RBM34: variants seen among roughly 807,000 people sequenced by gnomAD.
RBM34 encodes RNA-binding protein 34.
A neutral mutation model predicts 44.6 loss-of-function variants in RBM34; 39 were observed. The observed-to-expected ratio is 0.87, with a 90% CI of 0.68 to 1.14. The LOEUF (loss-of-function observed/expected upper bound fraction) is 1.14, where lower values mean the gene tolerates loss of function less well. Ranked by LOEUF, RBM34 falls within the 50% of genes most tolerant of loss-of-function variation. The pLI is 0.00. For missense variants in RBM34, 572 were observed against 517.9 expected (o/e 1.10, Z -1.01); for synonymous variants, 194 against 184.0 (o/e 1.05, Z -0.44).
intron 3 of RBM34, among the ~76,000 whole-genome samples, chr1:235,155,793 C>T (rs1379544931): frequency 3.1e-5 from 4 of 129,360 alleles, no homozygotes; most frequent in African/African-American, 1.2e-4. Context: ...GTGTGAGCCA[C>T]CATGTCCAGT....
intron 6 of RBM34, among the ~76,000 whole-genome samples, chr1:235,141,491 T>A (rs2102835918): frequency 6.6e-6 from 1 of 152,232 alleles, no homozygotes; most frequent in South Asian, 2.1e-4. Context: ...AACAGACCAC[T>A]CGGCTCTACC....
chr1:235,131,973 G>C lies in RBM34; in HGVS notation c.1033C>G (p.Leu345Val). 6.2e-7 allele frequency: 1 copy of C among 1,601,708 alleles called. No individual in the cohort carries two copies. The highest frequency in any genetic ancestry group is 8.5e-7 in the Non-Finnish European group (1 of 1,173,990). ...ATGAGTTCAGAATTATTTAATTTCAGAGCAAGATGAACAGAATCTGTATTC... is the reference window on the plus strand; with the variant it reads ...ATGAGTTCAGAATTATTTAATTTCACAGCAAGATGAACAGAATCTGTATTC... ...FENTDSVHLA[L>V]KLNNSELMGR... is the part of the protein sequence containing the mutation. The change falls in exon 11 of 11, where the codon CTG becomes GTG. Residue 345 changes from leucine (L) to valine (V), a missense_variant. By Grantham distance (32) the Leu-to-Val change is conservative. Transcript: ENST00000408888.
intron 8 of RBM34, among the ~76,000 whole-genome samples, 184 bp downstream of exon 8, chr1:235,137,693 G>A (rs927765819): frequency 1.2e-4 from 19 of 152,206 alleles, no homozygotes; most frequent in Middle Eastern, 6.8e-3. Context: ...CGTTTTTGAA[G>A]GGAATGTTGA....
At chr1:235,144,770 C>T (rs1438507221) in intron 6 of RBM34, among the ~76,000 whole-genome samples, 3 of 152,064 alleles carry the variant, frequency 2.0e-5, no homozygotes, top group Non-Finnish European at 2.9e-5. Flanking sequence ...AGGCCCAGCG[C>T]GGTGGCTCAT....
At chr1:235,149,336 C>A (rs1157537240) in intron 5 of RBM34, among the ~76,000 whole-genome samples, 2 of 150,028 alleles carry the variant, frequency 1.3e-5, no homozygotes, top group Non-Finnish European at 1.5e-5. Context: ...TTGCAGTGAG[C>A]CCAGATGGCA....
chr1:235,133,139 GGA>G (rs1238349777), intron 10 of RBM34, among the ~76,000 whole-genome samples: 1 of 152,092 alleles, frequency 6.6e-6, no homozygotes, highest in Admixed American at 6.6e-5. Flanking sequence ...CTCAGAAGTT[GGA>G]GACCAGCCTG....
Position 235,148,257 on chromosome 1 carries a change from C to T in RBM34, c.701+147G>A, listed in dbSNP as rs573530927. On this transcript the variant is annotated intron_variant, in intron 6 of 10. Transcript: ENST00000408888. ...AAGAAAAACGTGACAAATCTAAAGG[C>T]TCTCAAATACAGAAGCAAACAGTCA... is the stretch of plus-strand genomic sequence containing the variant. The T allele has an allele frequency of 8.4e-6, 4 of 473,700 alleles. No homozygotes were observed. The Middle Eastern group carries it at 1.3e-3, about 151-fold the overall frequency. The allele number at this position is 473,700 out of a possible 1,614,324, so 29.3% of individuals were successfully genotyped here.
intron 10 of RBM34, among the ~76,000 whole-genome samples, chr1:235,133,991 A>G (rs1044618834): frequency 6.6e-6 from 1 of 152,050 alleles, no homozygotes; most frequent in African/African-American, 2.4e-5. Flanking sequence ...GCCTCCTGAT[A>G]GGACCACAGG....
intron 3 of RBM34, among the ~76,000 whole-genome samples, chr1:235,157,830 C>G (rs1662514660): frequency 6.6e-6 from 1 of 152,152 alleles, no homozygotes; most frequent in South Asian, 2.1e-4. Flanking sequence ...CTGCACTGCC[C>G]ATTACATATG....
intron 4 of RBM34, among the ~76,000 whole-genome samples, chr1:235,153,389 T>G (rs993262538): frequency 6.6e-6 from 1 of 152,250 alleles, no homozygotes; most frequent in East Asian, 1.9e-4. Flanking sequence ...CCATAGATTC[T>G]CTCATGTTTT....
intron 8 of RBM34, among the ~76,000 whole-genome samples, chr1:235,136,567 G>A (rs779443712): frequency 6.6e-6 from 1 of 152,212 alleles, no homozygotes; most frequent in Non-Finnish European, 1.5e-5. Context: ...GGGTCCCCAA[G>A]TCAAGCCAGG....
At chr1:235,149,388 CAAAAAAA>C (rs1171671362) in intron 5 of RBM34, among the ~76,000 whole-genome samples, 1 of 58,002 alleles carries the variant, frequency 1.7e-5, no homozygotes, top group African/African-American at 6.1e-5. Flanking sequence ...GACTCCGTCT[CAAAAAAA>C]AAAAAAAAAA....
At position 235,135,700 on chromosome 1, in the gene RBM34, T is replaced by A. The variant is rs780778276; in HGVS notation, c.960A>T (p.Arg320Ser). The change falls in exon 10 of 11, where the codon AGA becomes AGT. Residue 320 changes from arginine to serine, a missense_variant. Transcript: ENST00000408888. The stretch of plus-strand genomic sequence containing the variant: ...CTTTGCCGATGCCTGTCATTTTGTC[T>A]CTCACAATCCTCACGGCCATGATAC... ...CGSIMAVRIV[R>S]DKMTGIGKGF... The A allele has an allele frequency of 2.4e-5, 39 of 1,614,110 alleles. No homozygotes were observed. In the Admixed American group the frequency reaches 6.5e-4, roughly 27 times the overall value.
chr1:235,135,239 T>TC (rs1188473408), intron 10 of RBM34, among the ~76,000 whole-genome samples: 2 of 141,404 alleles, frequency 1.4e-5, no homozygotes, highest in South Asian at 2.2e-4. Flanking sequence ...TTTTTTTTTT[T>TC]CCCCCTTGAG....
At chr1:235,143,830 A>C (rs1442850073) in intron 6 of RBM34, among the ~76,000 whole-genome samples, 2 of 152,202 alleles carry the variant, frequency 1.3e-5, no homozygotes, top group African/African-American at 2.4e-5. Context: ...CTGTCATACA[A>C]GGGAATACTA....
chr1:235,138,137 A>G lies in RBM34; in HGVS notation c.739T>C (p.Tyr247His). Reference sequence around the variant, plus strand: ...GCACTCTCCTCCTTAAACACAACATAGGCATTAATATTTTTCTGATCAGGA... The same window carrying G: ...GCACTCTCCTCCTTAAACACAACATGGGCATTAATATTTTTCTGATCAGGA... ...IHPDQKNINAYVVFKEESAAT... is the reference protein window; with the variant it reads ...IHPDQKNINAHVVFKEESAAT... Residue 247 changes from tyrosine (Y) to histidine (H), a missense_variant, in exon 7 of 11, where the codon TAT becomes CAT. By Grantham distance (83) the Tyr-to-His change is moderately conservative. Transcript: ENST00000408888. 2 of 1,606,204 alleles carry G rather than the reference A, an allele frequency of 1.2e-6. No individual in the cohort carries two copies. Among genetic ancestry groups the G allele is most frequent in the Non-Finnish European group, 1.7e-6 (2 of 1,177,354 alleles).
chr1:235,147,060 G>A (rs1661936046), intron 6 of RBM34, among the ~76,000 whole-genome samples: 1 of 152,102 alleles, frequency 6.6e-6, no homozygotes, highest in African/African-American at 2.4e-5. Flanking sequence ...ATGAGACTCT[G>A]TGTCTACAAT....
chr1:235,135,320 C>T (rs934088046), intron 10 of RBM34, among the ~76,000 whole-genome samples: 7 of 152,054 alleles, frequency 4.6e-5, no homozygotes, highest in African/African-American at 1.7e-4. Flanking sequence ...CCTCCACCTC[C>T]CGGGTTCAAG....
intron 4 of RBM34, 32 bp downstream of exon 4, chr1:235,154,849 C>A: frequency 6.5e-7 from 1 of 1,540,726 alleles, no homozygotes. Flanking sequence ...AAGTTATTAA[C>A]TTCTCTGAAC....
Sources: allele counts gnomAD v4.1 joint callset (sites outside exome capture counted in the v4.1 genomes callset), GRCh38; gene constraint gnomAD v4.1.1; transcripts MANE v1.5; gene names NCBI Gene and HGNC (gene_info 2026-07-23, HGNC 2026-07-21).